Variants in COL6A2 observed in about 807,000 individuals in gnomAD.
The protein encoded by COL6A2 is collagen type VI alpha 2 chain.
In COL6A2, 90 loss-of-function variants were observed where a neutral mutation model predicts 124.9. That is an observed-to-expected ratio of 0.72 (90% CI 0.61 to 0.86). COL6A2 has a LOEUF of 0.86. Among genes scored for constraint, COL6A2 ranks in the 40% least tolerant of loss-of-function variants. The pLI is 0.00. For missense variants in COL6A2, 1,607 were observed against 1,502.5 expected, an observed-to-expected ratio of 1.07 and a Z score of -1.15; for synonymous variants, 793 against 618.2, an observed-to-expected ratio of 1.28 and a Z score of -4.19.
At chr21:46,131,856 A>G (rs2078764135) in intron 27 of COL6A2, 98 bp from the exon 28 acceptor site, 1 of 1,150,190 alleles carries the variant, frequency 8.7e-7, no homozygotes, top group Admixed American at 2.0e-5. Flanking sequence ...GTGAGGTTGC[A>G]GGCAGGGTGC....
chr21:46,129,720 C>CAAGTACA, intron 27 of COL6A2: 1 of 1,399,884 alleles, frequency 7.1e-7, no homozygotes, highest in Non-Finnish European at 9.2e-7. Context: ...CTTCCTGTGG[C>CAAGTACA]CGCTCTCTTT....
chr21:46,119,064 C>T lies in COL6A2; in HGVS notation c.1214C>T (p.Pro405Leu). 6.2e-7 allele frequency: 1 copy of T among 1,612,300 alleles called. No homozygotes were observed. The highest frequency in any genetic ancestry group is 8.5e-7 in the Non-Finnish European group (1 of 1,179,610). ...YQGNSGAPGS[P>L]GVKGAKGGPG... ...GGCAACAGTGGAGCCCCAGGAAGTC[C>T]TGGTGTGAAAGGAGCCAAGGGCGGG... The change falls in exon 14 of 28, where the codon CCT (proline) becomes CTT (leucine). Residue 405 changes from proline to leucine, a missense_variant. This residue lies in a region of COL6A2 where 1,223 missense variants were observed against 1,052.2 expected (regional missense o/e 1.16). Coordinates refer to ENST00000300527, the MANE Select transcript of COL6A2 (RefSeq NM_001849.4).
intron 1 of COL6A2, among the ~76,000 whole-genome samples, chr21:46,110,297 AATATTTAT>A (rs1477419075): frequency 6.6e-6 from 1 of 152,078 alleles, no homozygotes; most frequent in African/African-American, 2.4e-5. Flanking sequence ...TGCCATCAGT[AATATTTAT>A]AGTGATATTT....
chr21:46,132,286 C>G lies in COL6A2; in HGVS notation c.2794C>G (p.Pro932Ala), dbSNP rs1382090098. ...VHAINAIVRS[P>A]RGGARRHAEL... Reference sequence around the variant, plus strand: ...CGCCATCAATGCCATCGTGCGCAGCCCGCGTGGCGGGGCCCGGAGGCACGC... The same window carrying G: ...CGCCATCAATGCCATCGTGCGCAGCGCGCGTGGCGGGGCCCGGAGGCACGC... The change falls in exon 28 of 28, where the codon CCG becomes GCG. Residue 932 changes from proline to alanine, a missense_variant. By Grantham distance (27) the Pro-to-Ala change is conservative. Coordinates refer to ENST00000300527, the MANE Select transcript of COL6A2 (RefSeq NM_001849.4). 6.2e-7 allele frequency: 1 copy of G among 1,606,912 alleles called. No individual in the cohort carries two copies. The highest frequency in any genetic ancestry group is 1.7e-5 in the Admixed American group (1 of 59,846).
chr21:46,116,348 C>G lies in COL6A2; in HGVS notation c.901-29C>G. 6.2e-7 allele frequency: 1 copy of G among 1,612,536 alleles called. No homozygotes were observed. The highest frequency in any genetic ancestry group is 8.5e-7 in the Non-Finnish European group (1 of 1,179,712). ...GCCTGTGTCTCTGCAGAGCTCCTCA[C>G]TAATGCCCCTCTCTCCTCCTGCCCC... On this transcript the variant is annotated intron_variant, in intron 7 of 27. Coordinates refer to ENST00000300527, the MANE Select transcript of COL6A2 (RefSeq NM_001849.4). The surrounding 1 kb of genome is among the most constrained non-coding windows in gnomAD (Gnocchi z 4.6).
chr21:46,101,663 G>A (rs939398947), intron 1 of COL6A2, among the ~76,000 whole-genome samples: 7 of 151,998 alleles, frequency 4.6e-5, no homozygotes, highest in Admixed American at 6.6e-5. Context: ...TGTCTTTATC[G>A]AATGGTCTTG....
rs778546141 is a variant in COL6A2, at chr21:46,111,559, C to G, written c.83C>G (p.Pro28Arg). The G allele has an allele frequency of 6.2e-7, 1 of 1,612,760 alleles. No homozygotes were observed. The highest frequency in any genetic ancestry group is 8.5e-7 in the Non-Finnish European group (1 of 1,179,910). Residue 28 changes from proline (P) to arginine (R), a missense_variant, in exon 2 of 28, where the codon CCG (proline) becomes CGG (arginine). Transcript: ENST00000300527. The stretch of plus-strand genomic sequence containing the variant: ...GCCCAGCAGCAGGAGGTCATCTCGC[C>G]GGACACTACCGAGAGAAACAACAAC... ...IQAQQQEVIS[P>R]DTTERNNNCP...
chr21:46,102,962 C>G (rs1006959688), intron 1 of COL6A2, among the ~76,000 whole-genome samples: 5 of 152,112 alleles, frequency 3.3e-5, no homozygotes, highest in African/African-American at 9.7e-5. Flanking sequence ...GTGTTCCCTT[C>G]TCTTCAAGTT....
At position 46,129,208 on chromosome 21, in the gene COL6A2, C is replaced by A. The variant is rs147420235; in HGVS notation, c.2461+2667C>A. ...CGCTCCCTTGCAGATGCACCGTGGC[C>A]TGGCGGCGAGCCCCCGGTCACCTTC... On this transcript the variant is annotated intron_variant, in intron 27 of 27. Transcript: ENST00000300527. 4 of 1,612,916 alleles carry A rather than the reference C, an allele frequency of 2.5e-6. No homozygotes were observed. The African/African-American group carries it at 5.3e-5, about 21-fold the overall frequency.
At position 46,132,156 on chromosome 21, in the gene COL6A2, G is replaced by A; in HGVS notation, c.2664G>A (p.Gln888=). Residue 888 remains glutamine (Q), a synonymous_variant, in exon 28 of 28, where the codon CAG becomes CAA. Transcript: ENST00000300527. ...ALLQFGGPGE[Q]QVAFPLSHNL... The stretch of plus-strand genomic sequence containing the variant: ...TGCAGTTTGGTGGCCCCGGCGAGCA[G>A]CAGGTGGCCTTCCCGCTGAGCCACA... 1.3e-6 allele frequency: 2 copies of A among 1,570,130 alleles called. No individual in the cohort carries two copies. The highest frequency in any genetic ancestry group is 1.2e-5 in the South Asian group (1 of 86,518).
intron 26 of COL6A2, 80 bp downstream of exon 26, chr21:46,126,317 C>T: frequency 2.6e-6 from 4 of 1,549,210 alleles, no homozygotes; most frequent in Non-Finnish European, 3.5e-6. Flanking sequence ...AGGGACACCC[C>T]TCACCTGAGG....
intron 27 of COL6A2, among the ~76,000 whole-genome samples, chr21:46,127,257 G>T (rs1176396517): frequency 6.6e-6 from 1 of 152,148 alleles, no homozygotes; most frequent in Non-Finnish European, 1.5e-5. Context: ...GGTCCGACCT[G>T]GAGGACCACA....
intron 17 of COL6A2, 86 bp from the exon 18 acceptor site, chr21:46,121,470 C>T (rs956377830): frequency 3.8e-6 from 5 of 1,330,358 alleles, no homozygotes; most frequent in African/African-American, 2.9e-5. Flanking sequence ...GCCTGGTGGT[C>T]AGGGCTGGAC....
intron 27 of COL6A2, among the ~76,000 whole-genome samples, chr21:46,131,377 C>T (rs563160458): frequency 1.3e-5 from 2 of 152,328 alleles, no homozygotes; most frequent in Non-Finnish European, 2.9e-5. Flanking sequence ...GGGCAGAACC[C>T]ACCTGGGCTG....
In COL6A2 at chr21:46,122,860, T is replaced by C; in HGVS notation, c.1609-15T>C. 6.2e-7 allele frequency: 1 copy of C among 1,611,442 alleles called. No individual in the cohort carries two copies. The highest frequency in any genetic ancestry group is 8.5e-7 in the Non-Finnish European group (1 of 1,178,332). On this transcript the variant is annotated splice_polypyrimidine_tract_variant and intron_variant, in intron 20 of 27. Transcript: ENST00000300527. ...AGCTCCTCTGTCCCAGGCTAACATG[T>C]GTTCCCTGTCACAGGGAGGCCGAGG... is the stretch of plus-strand genomic sequence containing the variant.
At chr21:46,129,061 C>T (rs2078719252) in intron 27 of COL6A2, 2 of 1,599,926 alleles carry the variant, frequency 1.3e-6, no homozygotes, top group Non-Finnish European at 8.5e-7. Context: ...ACCCGCTCCA[C>T]CTGCATTTCC....
At chr21:46,114,140 C>T (rs2078440127) in intron 5 of COL6A2, 67 bp downstream of exon 5, 1 of 1,416,500 alleles carries the variant, frequency 7.1e-7, no homozygotes, top group Non-Finnish European at 1.0e-6. Context: ...TTGAAATCCA[C>T]ACTTGGCCGG....
At position 46,132,399 on chromosome 21, in the gene COL6A2, G is replaced by T. The variant is rs138004735; in HGVS notation, c.2907G>T (p.Val969=). 3 of 1,609,182 alleles carry T rather than the reference G, an allele frequency of 1.9e-6. No individual in the cohort carries two copies. The highest frequency in any genetic ancestry group is 2.5e-6 in the Non-Finnish European group (3 of 1,178,882). ...ESAHSMRKQN[V]VPTVLALGSD... ...CGCACTCCATGCGCAAGCAGAACGT[G>T]GTACCCACCGTGCTGGCCTTGGGCA... The change falls in exon 28 of 28, where the codon GTG becomes GTT. Residue 969 remains valine (V), a synonymous_variant. Coordinates refer to ENST00000300527, the MANE Select transcript of COL6A2 (RefSeq NM_001849.4).
At chr21:46,111,070 G>A (rs971613752) in intron 1 of COL6A2, among the ~76,000 whole-genome samples, 2 of 152,142 alleles carry the variant, frequency 1.3e-5, no homozygotes, top group East Asian at 1.9e-4. Context: ...CCTCCCCTCT[G>A]CACTGTTTCC....
Sources: allele counts gnomAD v4.1 joint callset (sites outside exome capture counted in the v4.1 genomes callset), GRCh38; gene constraint gnomAD v4.1.1; regional missense constraint gnomAD v4.1.1; non-coding constraint Gnocchi (gnomAD v3.1); transcripts MANE v1.5; gene names NCBI Gene and HGNC (gene_info 2026-07-23, HGNC 2026-07-21).